Variants in NAGS observed in about 807,000 individuals in gnomAD.
The protein encoded by NAGS is N-acetylglutamate synthase, mitochondrial.
In NAGS, 34 loss-of-function variants were observed where a neutral mutation model predicts 46.9. The ratio of observed to expected loss-of-function variants is 0.72; its 90% CI spans 0.55 to 0.97. The LOEUF (loss-of-function observed/expected upper bound fraction) is 0.97. NAGS is among the 50% of genes least tolerant of loss of function. The pLI, the probability that NAGS is intolerant of heterozygous loss-of-function variation, is 0.00. For missense variants in NAGS, 665 were observed against 747.0 expected, an observed-to-expected ratio of 0.89 and a Z score of 1.28; for synonymous variants, 334 against 346.3, an observed-to-expected ratio of 0.96 and a Z score of 0.39.
Position 44,005,198 on chromosome 17 carries a change from G to C in NAGS, c.426+109G>C. 1 of 1,458,100 alleles carries C rather than the reference G, an allele frequency of 6.9e-7. No individual in the cohort carries two copies. The highest frequency in any genetic ancestry group is 9.0e-7 in the Non-Finnish European group (1 of 1,105,310). 90.3% of individuals were successfully genotyped at this position (1,458,100 alleles called of 1,614,324 possible). A position where few individuals can be genotyped will look rare whatever the true frequency, so the allele number is the denominator to read the frequency against. On this transcript the variant is annotated intron_variant, in intron 1 of 6. Transcript: ENST00000293404. The surrounding 1 kb of genome is among the most constrained non-coding windows in gnomAD (Gnocchi z 7.2). Reference sequence around the variant, plus strand: ...TGCGGGCTCTGCGCAGCGGAAGCGGGAAGGAGCCCGGCAGGGCCCAGACCA... The same window carrying C: ...TGCGGGCTCTGCGCAGCGGAAGCGGCAAGGAGCCCGGCAGGGCCCAGACCA...
Position 44,007,846 on chromosome 17 carries a change from C to A in NAGS, c.1451+73C>A. 9 of 1,477,806 alleles carry A rather than the reference C, an allele frequency of 6.1e-6. No homozygotes were observed. Among genetic ancestry groups the A allele is most frequent in the Non-Finnish European group, 8.3e-6 (9 of 1,080,148 alleles). 91.5% of individuals were successfully genotyped at this position (1,477,806 alleles called of 1,614,324 possible). On this transcript the variant is annotated intron_variant, in intron 6 of 6. Coordinates refer to ENST00000293404, the MANE Select transcript of NAGS (RefSeq NM_153006.3). The surrounding 1 kb of genome is among the most constrained non-coding windows in gnomAD (Gnocchi z 5.1). ...CCTCTCCCACCCTTGCCAACCATGC[C>A]AAGAAGGCTGGGCTTCCTCTTCTTC...
chr17:44,006,640 C>T lies in NAGS; in HGVS notation c.1027C>T (p.Leu343=). The T allele has an allele frequency of 6.2e-7, 1 of 1,609,362 alleles. No homozygotes were observed. The highest frequency in any genetic ancestry group is 1.7e-5 in the Admixed American group (1 of 59,738). ...MRLIVDVLSR[L]PHHSSAVITA... ...GCTCATCGTGGACGTGCTCAGCCGCCTGCCCCACCACTCCTCGGCCGTCAT... is the reference window on the plus strand; with the variant it reads ...GCTCATCGTGGACGTGCTCAGCCGCTTGCCCCACCACTCCTCGGCCGTCAT... The change falls in exon 4 of 7, where the codon CTG becomes TTG. Residue 343 remains leucine, a synonymous_variant. Transcript: ENST00000293404. This position sits in a 1 kb window ranked among gnomAD's most constrained non-coding sequence, Gnocchi z 4.8.
rs1157413785 is a variant in NAGS, at chr17:44,008,660, G to C, written c.*59G>C. 23 of 1,606,434 alleles carry C rather than the reference G, an allele frequency of 1.4e-5. No individual in the cohort carries two copies. The highest frequency in any genetic ancestry group is 2.0e-5 in the Non-Finnish European group (23 of 1,174,768). On this transcript the variant is annotated 3_prime_UTR_variant, in exon 7 of 7. Transcript: ENST00000293404. ...CCAGGGTGGACCAAAAGCCATGCCA[G>C]CTGGGCATGACCCCAGGCAGCCAGC...
chr17:44,008,007 A>G (rs1212831195), intron 6 of NAGS, among the ~76,000 whole-genome samples: 1 of 152,136 alleles, frequency 6.6e-6, no homozygotes, highest in Non-Finnish European at 1.5e-5. Context: ...CACCTCTCAC[A>G]GGGGCCTGAG....
chr17:44,008,534 A>T lies in NAGS; in HGVS notation c.1538A>T (p.Glu513Val). Residue 513 changes from glutamate (E) to valine (V), a missense_variant, in exon 7 of 7, where the codon GAG becomes GTG. Transcript: ENST00000293404. ...FGLADIRDSY[E>V]LVNHAKGLPD... ...CTGGCTGATATCCGGGACTCCTATG[A>T]GTTGGTCAACCACGCCAAGGGACTG... 1 of 1,614,228 alleles carries T rather than the reference A, an allele frequency of 6.2e-7. No homozygotes were observed. The highest frequency in any genetic ancestry group is 1.1e-5 in the South Asian group (1 of 91,092).
rs767234782 is a variant in NAGS, at chr17:44,006,213, C to A, written c.891C>A (p.Gly297=). 1 of 1,613,168 alleles carries A rather than the reference C, an allele frequency of 6.2e-7. No individual in the cohort carries two copies. The highest frequency in any genetic ancestry group is 1.7e-5 in the Admixed American group (1 of 60,004). The change falls in exon 3 of 7, where the codon GGC becomes GGA. Residue 297 remains glycine, a synonymous_variant. Transcript: ENST00000293404. The surrounding 1 kb of genome is among the most constrained non-coding windows in gnomAD (Gnocchi z 4.8). ...PTKIIFLNNT[G]GLRDSSHKVL... The stretch of plus-strand genomic sequence containing the variant: ...AAATCATCTTCCTCAATAACACAGG[C>A]GGCCTGCGCGACAGCAGTCATAAGG...
chr17:44,005,366 A>C lies in NAGS; in HGVS notation c.427-271A>C, dbSNP rs919332004. On this transcript the variant is annotated intron_variant, in intron 1 of 6. Transcript: ENST00000293404. The surrounding 1 kb of genome is among the most constrained non-coding windows in gnomAD (Gnocchi z 7.2). Reference sequence around the variant, plus strand: ...TGGGCGCAGTTAGGGGTTCAGAAGGACCTGGACAGGAGCCGCTTGCACTGC... The same window carrying C: ...TGGGCGCAGTTAGGGGTTCAGAAGGCCCTGGACAGGAGCCGCTTGCACTGC... Among the ~76,000 whole-genome samples the C allele has an allele frequency of 6.6e-6, 1 of 152,162 alleles. No individual in the cohort carries two copies. The highest frequency in any genetic ancestry group is 2.4e-5 in the African/African-American group (1 of 41,446).
In NAGS at chr17:44,005,586, G is replaced by A. The variant is rs1220821703; in HGVS notation, c.427-51G>A. The A allele has an allele frequency of 1.9e-6, 3 of 1,588,954 alleles. No homozygotes were observed. The highest frequency in any genetic ancestry group is 2.6e-6 in the Non-Finnish European group (3 of 1,168,874). On this transcript the variant is annotated intron_variant, in intron 1 of 6. Coordinates refer to ENST00000293404, the MANE Select transcript of NAGS (RefSeq NM_153006.3). The surrounding 1 kb of genome is among the most constrained non-coding windows in gnomAD (Gnocchi z 7.2). ...CGGCCCTGCAGGCCAGGCTGTGGGA[G>A]CCAGCGGCTCAGGTCCGTGTCACGC...
Position 44,007,554 on chromosome 17 carries a change from G to A in NAGS, c.1269-37G>A, listed in dbSNP as rs1388613876. ...GGGCAGTCGGGCAGCTTCGGACCAA[G>A]GAGAGGTCCCAGCCTGCCGCTCTCC... On this transcript the variant is annotated intron_variant, in intron 5 of 6. Transcript: ENST00000293404. This position sits in a 1 kb window ranked among gnomAD's most constrained non-coding sequence, Gnocchi z 5.1. The A allele has an allele frequency of 3.1e-6, 5 of 1,612,318 alleles. No individual in the cohort carries two copies. The highest frequency in any genetic ancestry group is 2.2e-5 in the South Asian group (2 of 91,036).
rs2049126998 is a variant in NAGS, at chr17:44,008,809, A to G, written c.*208A>G. The stretch of plus-strand genomic sequence containing the variant: ...AGAAGGGGACCAGTCTAGGACCCCA[A>G]CTCGACTCACTCTAAAGCTACAACC... On this transcript the variant is annotated 3_prime_UTR_variant, in exon 7 of 7. Transcript: ENST00000293404. 2 of 661,168 alleles carry G rather than the reference A, an allele frequency of 3.0e-6. No homozygotes were observed. The highest frequency in any genetic ancestry group is 2.7e-5 in the East Asian group (1 of 36,440). 41.0% of individuals were successfully genotyped at this position (661,168 alleles called of 1,614,324 possible).
rs1043254475 is a variant in NAGS, at chr17:44,005,151, C to T, written c.426+62C>T. 1 of 1,516,604 alleles carries T rather than the reference C, an allele frequency of 6.6e-7. No individual in the cohort carries two copies. The highest frequency in any genetic ancestry group is 1.2e-5 in the South Asian group (1 of 82,364). The allele number at this position is 1,516,604 out of a possible 1,614,324, so 93.9% of individuals were successfully genotyped here. Reference sequence around the variant, plus strand: ...GGGATGGGGTTGTGCGGCCACCTGTCCTCAGGCATGGCAGGATACGCTGCG... The same window carrying T: ...GGGATGGGGTTGTGCGGCCACCTGTTCTCAGGCATGGCAGGATACGCTGCG... On this transcript the variant is annotated intron_variant, in intron 1 of 6. Coordinates refer to ENST00000293404, the MANE Select transcript of NAGS (RefSeq NM_153006.3). This position sits in a 1 kb window ranked among gnomAD's most constrained non-coding sequence, Gnocchi z 7.2.
Position 44,008,723 on chromosome 17 carries a change from AGAG to A in NAGS, c.*126_*128del. The stretch of plus-strand genomic sequence containing the variant: ...GGGGCTTGTTGGCTGAGTGATCTGC[AGAG>A]GAGAAAGCAGCCCCAGCTCTGCCCA... On this transcript the variant is annotated 3_prime_UTR_variant, in exon 7 of 7. Coordinates refer to ENST00000293404, the MANE Select transcript of NAGS (RefSeq NM_153006.3). 1.5e-6 allele frequency: 2 copies of A among 1,336,864 alleles called. No homozygotes were observed. Among genetic ancestry groups the A allele is most frequent in the Non-Finnish European group, 2.1e-6 (2 of 939,134 alleles). The allele number at this position is 1,336,864 out of a possible 1,614,324, so 82.8% of individuals were successfully genotyped here.
In NAGS at chr17:44,006,912, C is replaced by A; in HGVS notation, c.1096+203C>A. 1 of 592,844 alleles carries A rather than the reference C, an allele frequency of 1.7e-6. No homozygotes were observed. The highest frequency in any genetic ancestry group is 2.9e-6 in the Non-Finnish European group (1 of 347,588). 36.7% of individuals were successfully genotyped at this position (592,844 alleles called of 1,614,324 possible). ...AGACCCAGTGTACTGGAAGGGAACT[C>A]CGAAGGAATTAAAGGAATGGGCGGG... On this transcript the variant is annotated intron_variant, in intron 4 of 6. Coordinates refer to ENST00000293404, the MANE Select transcript of NAGS (RefSeq NM_153006.3). The surrounding 1 kb of genome is among the most constrained non-coding windows in gnomAD (Gnocchi z 4.8).
Position 44,005,093 on chromosome 17 carries a change from AGCGGAGCCCGGC to A in NAGS, c.426+6_426+17del. 6.4e-7 allele frequency: 1 copy of A among 1,566,488 alleles called. No individual in the cohort carries two copies. The highest frequency in any genetic ancestry group is 8.6e-7 in the Non-Finnish European group (1 of 1,159,880). The stretch of plus-strand genomic sequence containing the variant: ...CAAGCCCTTCGCCGTCATCGAGGTG[AGCGGAGCCCGGC>A]GTGGGCCGTGACGCAGCGAGGGGAT... On this transcript the variant is annotated splice_donor_5th_base_variant and intron_variant, in intron 1 of 6. Coordinates refer to ENST00000293404, the MANE Select transcript of NAGS (RefSeq NM_153006.3). The surrounding 1 kb of genome is among the most constrained non-coding windows in gnomAD (Gnocchi z 7.2).
At position 44,005,947 on chromosome 17, in the gene NAGS, A is replaced by G. The variant is rs746896362; in HGVS notation, c.701+36A>G. On this transcript the variant is annotated intron_variant, in intron 2 of 6. Coordinates refer to ENST00000293404, the MANE Select transcript of NAGS (RefSeq NM_153006.3). The surrounding 1 kb of genome is among the most constrained non-coding windows in gnomAD (Gnocchi z 7.2). ...GCCCTGCCCGCCCAGGCGTCCTCAG[A>G]GCGTGCTACTCTGCCCGCCCTGCCC... 1.3e-6 allele frequency: 2 copies of G among 1,550,250 alleles called. No individual in the cohort carries two copies. Among genetic ancestry groups the G allele is most frequent in the South Asian group, 1.2e-5 (1 of 85,062 alleles).
Position 44,006,138 on chromosome 17 carries a change from C to T in NAGS, c.816C>T (p.Leu272=). The change falls in exon 3 of 7, where the codon CTC becomes CTT. Residue 272 remains leucine (L), a synonymous_variant. Transcript: ENST00000293404. The surrounding 1 kb of genome is among the most constrained non-coding windows in gnomAD (Gnocchi z 4.8). ...GETAARRSVL[L]DSLEVTASLA... ...CGGCCGCGCGCCGCTCCGTGCTTCT[C>T]GACTCCCTGGAGGTGACCGCGTCGC... 1 of 1,613,228 alleles carries T rather than the reference C, an allele frequency of 6.2e-7. No homozygotes were observed.
At position 44,008,830 on chromosome 17, in the gene NAGS, C is replaced by A; in HGVS notation, c.*229C>A. ...CCCAACTCGACTCACTCTAAAGCTA[C>A]AACCAAATGGCCTTCGATTTTCAAC... On this transcript the variant is annotated 3_prime_UTR_variant, in exon 7 of 7. Coordinates refer to ENST00000293404, the MANE Select transcript of NAGS (RefSeq NM_153006.3). 1.6e-6 allele frequency: 1 copy of A among 615,146 alleles called. No homozygotes were observed. Among genetic ancestry groups the A allele is most frequent in the Non-Finnish European group, 2.9e-6 (1 of 350,484 alleles). 38.1% of individuals were successfully genotyped at this position (615,146 alleles called of 1,614,324 possible).
In NAGS at chr17:44,004,939, C is replaced by T; in HGVS notation, c.276C>T (p.Ser92=). Residue 92 remains serine (S), a synonymous_variant, in exon 1 of 7, where the codon TCC becomes TCT. Coordinates refer to ENST00000293404, the MANE Select transcript of NAGS (RefSeq NM_153006.3). ...PSPRPPVPHE[S]PEPPSGRSLV... is the part of the protein sequence containing the mutation. ...CCAGGCCCCCGGTGCCCCACGAGTCCCCAGAGCCTCCTTCGGGCCGCTCGC... is the reference window on the plus strand; with the variant it reads ...CCAGGCCCCCGGTGCCCCACGAGTCTCCAGAGCCTCCTTCGGGCCGCTCGC... 6.5e-7 allele frequency: 1 copy of T among 1,536,542 alleles called. No homozygotes were observed. Among genetic ancestry groups the T allele is most frequent in the Non-Finnish European group, 8.7e-7 (1 of 1,147,074 alleles).
chr17:44,005,608 A>G lies in NAGS; in HGVS notation c.427-29A>G. ...GGAGCCAGCGGCTCAGGTCCGTGTC[A>G]CGCTCCTTGAAAGCCCACTCCTCCG... On this transcript the variant is annotated intron_variant, in intron 1 of 6. Transcript: ENST00000293404. This position sits in a 1 kb window ranked among gnomAD's most constrained non-coding sequence, Gnocchi z 7.2. 6.2e-7 allele frequency: 1 copy of G among 1,605,540 alleles called. No homozygotes were observed. Among genetic ancestry groups the G allele is most frequent in the South Asian group, 1.1e-5 (1 of 89,476 alleles).
Sources: allele counts gnomAD v4.1 joint callset (sites outside exome capture counted in the v4.1 genomes callset), GRCh38; gene constraint gnomAD v4.1.1; non-coding constraint Gnocchi (gnomAD v3.1); transcripts MANE v1.5; gene names NCBI Gene and HGNC (gene_info 2026-07-23, HGNC 2026-07-21).